PRDM8: variants seen among roughly 807,000 people sequenced by gnomAD.
PRDM8 encodes the protein PR/SET domain 8.
Under a neutral mutation model 46.5 loss-of-function variants are expected in PRDM8, and 13 were observed. That is an observed-to-expected ratio of 0.28 (90% confidence interval 0.18 to 0.44). The LOEUF (loss-of-function observed/expected upper bound fraction) is 0.44, where lower values mean the gene tolerates loss of function less well. Ranked by LOEUF, PRDM8 falls within the 20% of genes least tolerant of loss-of-function variation. PRDM8 has a pLI of 1.00. For synonymous variants in PRDM8, 473 were observed against 438.4 expected, an observed-to-expected ratio of 1.08 and a Z score of -0.98; for missense variants, 998 against 955.0, an observed-to-expected ratio of 1.04 and a Z score of -0.59.
upstream of PRDM8, among the ~76,000 whole-genome samples, chr4:80,193,556 A>G (rs1366552954): frequency 6.6e-6 from 1 of 152,160 alleles, no homozygotes; most frequent in African/African-American, 2.4e-5. Flanking sequence ...TGACCAGCCC[A>G]TCATTTCTGT....
intron 2 of PRDM8, 131 bp from the exon 3 acceptor site, chr4:80,201,159 G>T (rs1738408713): frequency 1.2e-6 from 1 of 821,248 alleles, no homozygotes; most frequent in Admixed American, 2.6e-5. Context: ...ACTTTTGGAA[G>T]CGTGGTCTCA....
At chr4:80,193,668 T>C (rs530410416), upstream of PRDM8, among the ~76,000 whole-genome samples, 50 of 152,306 alleles carry the variant, frequency 3.3e-4, 1 homozygote, top group Admixed American at 2.9e-3. Context: ...TGAAGATCTA[T>C]TCTCTTCCTC....
upstream of PRDM8, among the ~76,000 whole-genome samples, chr4:80,195,431 T>C (rs149267638): frequency 4.7e-3 from 715 of 152,320 alleles, 8 homozygotes; most frequent in African/African-American, 0.016. Flanking sequence ...TTTGAGACAT[T>C]ATTTTCACAT....
upstream of PRDM8, among the ~76,000 whole-genome samples, chr4:80,195,753 A>C (rs1359512458): frequency 6.6e-6 from 1 of 152,146 alleles, no homozygotes; most frequent in Admixed American, 6.5e-5. Context: ...CTTTCTTTGA[A>C]AAGTCAGTAG....
upstream of PRDM8, chr4:80,197,449 G>T (rs548650306): frequency 1.1e-5 from 11 of 985,692 alleles, no homozygotes; most frequent in Admixed American, 4.3e-4. Flanking sequence ...GCTGTCACGC[G>T]TCATTGGGCA....
At position 80,202,697 on chromosome 4, in the gene PRDM8, A is replaced by T. The variant is rs1032197214; in HGVS notation, c.1235A>T (p.Glu412Val). ...GTADGAGVAS[E>V]DQDAGGGGGS... is the part of the protein sequence containing the mutation. ...GCCGACGGCGCGGGAGTCGCCTCCG[A>T]GGACCAGGACGCTGGCGGCGGCGGC... is the stretch of plus-strand genomic sequence containing the variant. The change falls in exon 4 of 4, where the codon GAG becomes GTG. Residue 412 changes from glutamate to valine, a missense_variant. By Grantham distance (121) the Glu-to-Val change is moderately radical. Transcript: ENST00000415738. 29 of 1,327,194 alleles carry T rather than the reference A, an allele frequency of 2.2e-5. No individual in the cohort carries two copies. The African/African-American group carries it at 4.4e-4, about 20-fold the overall frequency. 82.2% of individuals were successfully genotyped at this position (1,327,194 alleles called of 1,614,324 possible).
rs1220553796 is a variant in PRDM8 at position 80,202,549 on chromosome 4, G to C, written c.1087G>C (p.Gly363Arg). Residue 363 changes from glycine to arginine, a missense_variant, in exon 4 of 4, where the codon GGC (glycine) becomes CGC (arginine). Coordinates refer to ENST00000415738, the MANE Select transcript of PRDM8 (RefSeq NM_001099403.2). ...QQYRASGSYF[G>R]LEENGRLFAP... is the part of the protein sequence containing the mutation. ...GTACCGAGCCTCGGGCAGCTACTTC[G>C]GCCTGGAAGAGAACGGCCGCCTCTT... 18 of 1,535,326 alleles carry C rather than the reference G, an allele frequency of 1.2e-5. No individual in the cohort carries two copies. The highest frequency in any genetic ancestry group is 1.6e-5 in the Non-Finnish European group (18 of 1,146,434).
chr4:80,185,455 C>A (rs1400646226), exon 1 of PRDM8: 1 of 152,186 alleles, frequency 6.6e-6, no homozygotes, highest in Non-Finnish European at 1.5e-5. Flanking sequence ...AATAAAAATG[C>A]GGTCCTGAAG....
chr4:80,188,710 C>A (rs958238442), intron 1 of PRDM8, among the ~76,000 whole-genome samples: 1 of 152,212 alleles, frequency 6.6e-6, no homozygotes, highest in African/African-American at 2.4e-5. Context: ...CTAGCCTGGG[C>A]GGAAAGTTTC....
intron 1 of PRDM8, among the ~76,000 whole-genome samples, chr4:80,198,679 A>C (rs1738154412): frequency 6.6e-6 from 1 of 152,160 alleles, no homozygotes; most frequent in Non-Finnish European, 1.5e-5. Context: ...AGGCTATGTT[A>C]GCTGGAATGG....
intron 1 of PRDM8, among the ~76,000 whole-genome samples, chr4:80,186,286 C>CTTT (rs3834215): frequency 0.05 from 7,591 of 150,386 alleles, 250 homozygotes; most frequent in Non-Finnish European, 0.074. Flanking sequence ...TATTAGGAGC[C>CTTT]TTTTTTTTTC....
At position 80,202,803 on chromosome 4, in the gene PRDM8, C is replaced by T. The variant is rs1274600417; in HGVS notation, c.1341C>T (p.Ser447=). ...CGCGGCCTGGGGGCCCGCTGCCCAG[C>T]CGGCTCGAGGGCGGCAGTCCTGCGA... ...LAPRPGGPLP[S]RLEGGSPARG... Residue 447 remains serine (S), a synonymous_variant, in exon 4 of 4, where the codon AGC becomes AGT. Transcript: ENST00000415738. 29 of 1,228,094 alleles carry T rather than the reference C, an allele frequency of 2.4e-5. No individual in the cohort carries two copies. The highest frequency in any genetic ancestry group is 2.9e-5 in the Non-Finnish European group (29 of 987,812). 76.1% of individuals were successfully genotyped at this position (1,228,094 alleles called of 1,614,324 possible).
chr4:80,190,716 G>GTCTAGCAGGC (rs1737477888), intron 1 of PRDM8, among the ~76,000 whole-genome samples: 1 of 152,248 alleles, frequency 6.6e-6, no homozygotes, highest in Non-Finnish European at 1.5e-5. Context: ...AAGTGTCCGA[G>GTCTAGCAGGC]TCTAGCAGGC....
upstream of PRDM8, among the ~76,000 whole-genome samples, chr4:80,193,824 T>C (rs1737737119): frequency 6.6e-6 from 1 of 152,192 alleles, no homozygotes; most frequent in Admixed American, 6.5e-5. Flanking sequence ...ATTGCCATAC[T>C]CTTTTGACAA....
Position 80,200,087 on chromosome 4 carries a change from G to A in PRDM8, c.7G>A (p.Asp3Asn), listed in dbSNP as rs1738312556. ...TGTGTGTCTATCTCCAGTGATGGAG[G>A]ATACTGGCATCCAGCGAGGCATCTG... ME[D>N]TGIQRGIWDG... The change falls in exon 2 of 4, where the codon GAT becomes AAT. Residue 3 changes from aspartate to asparagine, a missense_variant. Coordinates refer to ENST00000415738, the MANE Select transcript of PRDM8 (RefSeq NM_001099403.2). 1 of 1,612,526 alleles carries A rather than the reference G, an allele frequency of 6.2e-7. No homozygotes were observed. Among genetic ancestry groups the A allele is most frequent in the Non-Finnish European group, 8.5e-7 (1 of 1,178,910 alleles).
chr4:80,196,688 G>A (rs1737984676), upstream of PRDM8: 1 of 946,736 alleles, frequency 1.1e-6, no homozygotes, highest in Non-Finnish European at 1.3e-6. Context: ...TCCCTCTGGG[G>A]CTGCGCAGAA....
At chr4:80,198,792 T>C (rs1039612706) in intron 1 of PRDM8, among the ~76,000 whole-genome samples, 5 of 152,098 alleles carry the variant, frequency 3.3e-5, no homozygotes, top group Non-Finnish European at 7.4e-5. Context: ...ATGAACAGCT[T>C]TGCAGGAAAA....
chr4:80,192,434 G>C (rs925722722), intron 2 of PRDM8, among the ~76,000 whole-genome samples: 1 of 152,176 alleles, frequency 6.6e-6, no homozygotes, highest in Non-Finnish European at 1.5e-5. Context: ...AAGGCCTAGA[G>C]TTAGACTTCT....
chr4:80,196,875 G>C, upstream of PRDM8: 1 of 977,462 alleles, frequency 1.0e-6, no homozygotes, highest in Non-Finnish European at 1.2e-6. Flanking sequence ...CCGAGGTCTG[G>C]TGACATTCTC....
Sources: allele counts gnomAD v4.1 joint callset (sites outside exome capture counted in the v4.1 genomes callset), GRCh38; gene constraint gnomAD v4.1.1; transcripts MANE v1.5; gene names NCBI Gene and HGNC (gene_info 2026-07-23, HGNC 2026-07-21).